The following ADGRL3 variants were observed in gnomAD, a reference collection of about 807,000 sequenced individuals.
ADGRL3 encodes the protein calcium-independent alpha-latrotoxin receptor 3.
A neutral mutation model predicts 153.5 loss-of-function variants in ADGRL3; 62 were observed. The ratio of observed to expected loss-of-function variants is 0.40; its 90% CI spans 0.33 to 0.50. The LOEUF (loss-of-function observed/expected upper bound fraction) is 0.50, where lower values mean the gene tolerates loss of function less well. ADGRL3 is among the 20% of genes least tolerant of loss of function. The probability of loss-of-function intolerance (pLI) is 0.47; values close to 1 mark genes in which losing one functional copy is unlikely to be tolerated. For synonymous variants in ADGRL3, 710 were observed against 672.5 expected, an observed-to-expected ratio of 1.06 and a Z score of -0.86; for missense variants, 1,641 against 1,859.4, an observed-to-expected ratio of 0.88 and a Z score of 2.16.
intron 4 of ADGRL3, among the ~76,000 whole-genome samples, chr4:61,577,747 A>G (rs2098897334): frequency 6.6e-6 from 1 of 151,772 alleles, no homozygotes; most frequent in African/African-American, 2.4e-5. Flanking sequence ...CAGGAGTTCG[A>G]GGTTGTAGTG....
chr4:61,726,390 G>C (rs1373916794), intron 6 of ADGRL3, among the ~76,000 whole-genome samples: 1 of 151,550 alleles, frequency 6.6e-6, no homozygotes, highest in Non-Finnish European at 1.5e-5. Flanking sequence ...GTAGAGATAG[G>C]GTTTCACCGT....
chr4:61,894,881 T>G lies in ADGRL3; in HGVS notation c.1784-850T>G, dbSNP rs1228568999. Among the ~76,000 whole-genome samples the G allele has an allele frequency of 2.0e-5, 3 of 152,156 alleles. No individual in the cohort carries two copies. In the East Asian group the frequency reaches 5.8e-4, roughly 29 times the overall value. ...CATCATCTATCTCCTCTTTTAATAT[T>G]CTCATTGATTTTCCGGCACCCACAA... On this transcript the variant is annotated intron_variant, in intron 10 of 26. Coordinates refer to ENST00000683033, the MANE Select transcript of ADGRL3 (RefSeq NM_001387552.1).
chr4:61,428,269 T>C (rs1455091104), intron 2 of ADGRL3: 1 of 152,492 alleles, frequency 6.6e-6, no homozygotes, highest in Non-Finnish European at 1.5e-5. Flanking sequence ...TAGACAATAG[T>C]GGCTCAGAGC....
chr4:61,491,722 A>G (rs892003359), intron 2 of ADGRL3, among the ~76,000 whole-genome samples: 3 of 151,880 alleles, frequency 2.0e-5, no homozygotes, highest in Non-Finnish European at 4.4e-5. Context: ...GCCTGTCCTT[A>G]TTTCTTTTCT....
intron 1 of ADGRL3, among the ~76,000 whole-genome samples, chr4:61,254,045 A>G (rs2091732444): frequency 6.6e-6 from 1 of 152,192 alleles, no homozygotes; most frequent in South Asian, 2.1e-4. Flanking sequence ...GTCAAGTCGC[A>G]TTATCAATAA....
intron 1 of ADGRL3, among the ~76,000 whole-genome samples, chr4:61,297,585 C>T (rs2094450510): frequency 6.6e-6 from 1 of 151,446 alleles, no homozygotes; most frequent in African/African-American, 2.4e-5. Context: ...TTGTTTTTTA[C>T]TTGAGTCATA....
chr4:61,616,411 C>T (rs1392537804), intron 5 of ADGRL3, among the ~76,000 whole-genome samples: 2 of 152,136 alleles, frequency 1.3e-5, no homozygotes, highest in African/African-American at 2.4e-5. Context: ...TACTACTGGA[C>T]ATTAATTTTC....
intron 2 of ADGRL3, among the ~76,000 whole-genome samples, chr4:61,447,209 C>T (rs80244097): frequency 0.037 from 5,602 of 152,234 alleles, 113 homozygotes; most frequent in South Asian, 0.087. Context: ...GCATTTTTTA[C>T]ATCATTTTTG....
chr4:61,373,558 G>C (rs1282406084), intron 1 of ADGRL3, among the ~76,000 whole-genome samples: 1 of 151,948 alleles, frequency 6.6e-6, no homozygotes, highest in Admixed American at 6.5e-5. Flanking sequence ...AAAACGAATT[G>C]ATTACATTTA....
rs1016934411 is a variant in ADGRL3 at position 61,202,754 on chromosome 4, GTGTC to G, written c.-240+993_-240+996del. On this transcript the variant is annotated intron_variant, in intron 1 of 26. Transcript: ENST00000683033. The surrounding 1 kb of genome is among the most constrained non-coding windows in gnomAD (Gnocchi z 5.0). Reference sequence around the variant, plus strand: ...CCCAGCACTATAGGTGGGTGTGTGTGTGTCTGTGCGTGTGTGTGTGGTGTGTAGG... The same window carrying G: ...CCCAGCACTATAGGTGGGTGTGTGTGTGTGCGTGTGTGTGTGGTGTGTAGG... 1.3e-5 allele frequency among the ~76,000 whole-genome samples: 2 copies of G among 152,168 alleles called. No individual in the cohort carries two copies. Among genetic ancestry groups the G allele is most frequent in the African/African-American group, 4.8e-5 (2 of 41,448 alleles).
At chr4:61,710,029 A>G (rs183284038) in intron 6 of ADGRL3, among the ~76,000 whole-genome samples, 41 of 152,314 alleles carry the variant, frequency 2.7e-4, no homozygotes, top group Admixed American at 1.0e-3. Flanking sequence ...CATAGAAAAC[A>G]TACTTATTAT....
intron 8 of ADGRL3, among the ~76,000 whole-genome samples, chr4:61,776,341 G>A (rs2097151211): frequency 6.6e-6 from 1 of 152,122 alleles, no homozygotes; most frequent in African/African-American, 2.4e-5. Flanking sequence ...GAATGAAGTA[G>A]GGGTTTTGAG....
At chr4:61,703,903 G>T (rs1011132455) in intron 6 of ADGRL3, among the ~76,000 whole-genome samples, 4 of 151,758 alleles carry the variant, frequency 2.6e-5, no homozygotes, top group Non-Finnish European at 2.9e-5. Flanking sequence ...GTGGAGATAA[G>T]ATGAGGAACA....
At chr4:61,841,470 T>C (rs2098031731) in intron 9 of ADGRL3, among the ~76,000 whole-genome samples, 1 of 152,184 alleles carries the variant, frequency 6.6e-6, no homozygotes, top group African/African-American at 2.4e-5. Flanking sequence ...AACCGCTCAT[T>C]GTAATTGACC....
chr4:61,215,615 G>A (rs186685476), intron 1 of ADGRL3, among the ~76,000 whole-genome samples: 1 of 128,456 alleles, frequency 7.8e-6, no homozygotes, highest in African/African-American at 3.0e-5. Flanking sequence ...GCAGTGGCCC[G>A]ATCTCGGCTC....
intron 9 of ADGRL3, among the ~76,000 whole-genome samples, chr4:61,878,922 TATG>T (rs2098492532): frequency 6.6e-6 from 1 of 152,216 alleles, no homozygotes; most frequent in Admixed American, 6.5e-5. Flanking sequence ...CATCTACAAT[TATG>T]ATTCCAAAAT....
chr4:62,036,695 A>T (rs1292073295), intron 23 of ADGRL3, among the ~76,000 whole-genome samples: 1 of 152,144 alleles, frequency 6.6e-6, no homozygotes, highest in African/African-American at 2.4e-5. Flanking sequence ...ATATTACATT[A>T]TCATAAGTTG....
intron 3 of ADGRL3, among the ~76,000 whole-genome samples, chr4:61,508,138 T>C (rs1422302502): frequency 6.6e-6 from 1 of 152,114 alleles, no homozygotes; most frequent in Non-Finnish European, 1.5e-5. Context: ...AGGAGCCAAA[T>C]CTCTAATAAA....
At chr4:61,470,639 T>G (rs2152680969) in intron 2 of ADGRL3, among the ~76,000 whole-genome samples, 1 of 152,078 alleles carries the variant, frequency 6.6e-6, no homozygotes, top group South Asian at 2.1e-4. Context: ...AGTATTCCTC[T>G]TTGGGGAATT....
Sources: allele counts gnomAD v4.1 joint callset (sites outside exome capture counted in the v4.1 genomes callset), GRCh38; gene constraint gnomAD v4.1.1; non-coding constraint Gnocchi (gnomAD v3.1); transcripts MANE v1.5; gene names NCBI Gene and HGNC (gene_info 2026-07-23, HGNC 2026-07-21).